The following ERN1 variants were observed in gnomAD, a reference collection of about 807,000 sequenced individuals.
The protein encoded by ERN1 is endoplasmic reticulum to nucleus signaling 1.
In ERN1, 39 loss-of-function variants were observed where a neutral mutation model predicts 113.1. That is an observed-to-expected ratio of 0.34 (90% CI 0.27 to 0.45). The LOEUF is 0.45. Ranked by LOEUF, ERN1 falls within the 20% of genes least tolerant of loss-of-function variation. The pLI, the probability that ERN1 is intolerant of heterozygous loss-of-function variation, is 1.00. For missense variants in ERN1, 976 were observed against 1,274.8 expected (o/e 0.77, Z 3.57); for synonymous variants, 507 against 515.9 (o/e 0.98, Z 0.23).
chr17:64,100,448 A>G (rs1008365848), intron 1 of ERN1, among the ~76,000 whole-genome samples: 1 of 152,190 alleles, frequency 6.6e-6, no homozygotes, highest in African/African-American at 2.4e-5. Context: ...GAGGCCACAC[A>G]AGAAAGTGAG....
In ERN1 at chr17:64,088,462, A is replaced by G. The variant is rs573995217; in HGVS notation, c.176-7654T>C. On this transcript the variant is annotated intron_variant, in intron 2 of 21. Transcript: ENST00000433197. ...AATACCTTTTGAAAGGTATTTAAGGACCCAAAGAGCAGAGATGAAGTCTCA... is the reference window on the plus strand; with the variant it reads ...AATACCTTTTGAAAGGTATTTAAGGGCCCAAAGAGCAGAGATGAAGTCTCA... Among the ~76,000 whole-genome samples the G allele has an allele frequency of 2.0e-5, 3 of 152,266 alleles. No homozygotes were observed. In the East Asian group the frequency reaches 5.8e-4, roughly 29 times the overall value.
intron 11 of ERN1, among the ~76,000 whole-genome samples, chr17:64,058,652 G>A (rs1374460405): frequency 6.6e-6 from 1 of 151,990 alleles, no homozygotes; most frequent in Non-Finnish European, 1.5e-5. Context: ...CACGGAACAG[G>A]CATTTAGAAA....
Position 64,057,856 on chromosome 17 carries a change from G to A in ERN1, c.1344C>T (p.Ile448=), listed in dbSNP as rs1437385309. The change falls in exon 12 of 22, where the codon ATC becomes ATT. Residue 448 remains isoleucine (I), a synonymous_variant. Transcript: ENST00000433197. The stretch of plus-strand genomic sequence containing the variant: ...AGCCAATCAGCAGGAAGGTGCTCAG[G>A]ATGATGGTAGCCATGTCCTTAAGCA... The part of the protein sequence containing the change: ...DSMLKDMATI[I]LSTFLLIGWV... 1.9e-6 allele frequency: 3 copies of A among 1,613,994 alleles called. No homozygotes were observed. The highest frequency in any genetic ancestry group is 2.5e-6 in the Non-Finnish European group (3 of 1,179,884).
chr17:64,049,549 GT>G lies in ERN1; in HGVS notation c.2254-348del, dbSNP rs1912618253. ...TGGCCCATCAAAAGCCCTCCTGGCT[GT>G]TATATATTCCTTACCCCCAACACGA... On this transcript the variant is annotated intron_variant, in intron 17 of 21. Transcript: ENST00000433197. This position sits in a 1 kb window ranked among gnomAD's most constrained non-coding sequence, Gnocchi z 4.7. Among the ~76,000 whole-genome samples the G allele has an allele frequency of 6.6e-6, 1 of 152,188 alleles. No homozygotes were observed. Among genetic ancestry groups the G allele is most frequent in the African/African-American group, 2.4e-5 (1 of 41,444 alleles).
chr17:64,090,673 G>A (rs1490653397), intron 2 of ERN1, among the ~76,000 whole-genome samples: 1 of 152,130 alleles, frequency 6.6e-6, no homozygotes, highest in African/African-American at 2.4e-5. Context: ...CGACCCATCG[G>A]AGCTGAGATC....
In ERN1 at chr17:64,066,829, G is replaced by A; in HGVS notation, c.684C>T (p.Ala228=). ...GACCCTCCCGCTGCCAGACATAAAA[G>A]GCCACCACAGGGGAGGCGTAGTTTT... ...WIQNYASPVV[A]FYVWQREGLR... The change falls in exon 8 of 22, where the codon GCC becomes GCT. Residue 228 remains alanine (A), a synonymous_variant. Coordinates refer to ENST00000433197, the MANE Select transcript of ERN1 (RefSeq NM_001433.5). 6.2e-7 allele frequency: 1 copy of A among 1,613,880 alleles called. No individual in the cohort carries two copies. The highest frequency in any genetic ancestry group is 8.5e-7 in the Non-Finnish European group (1 of 1,179,860).
At chr17:64,095,816 C>T (rs898782585) in intron 2 of ERN1, among the ~76,000 whole-genome samples, 2 of 152,220 alleles carry the variant, frequency 1.3e-5, no homozygotes, top group Non-Finnish European at 1.5e-5. Flanking sequence ...TAAGCTCCTG[C>T]ACCCTAGACC....
chr17:64,104,453 C>CAA (rs35150631), intron 1 of ERN1, among the ~76,000 whole-genome samples: 5 of 143,910 alleles, frequency 3.5e-5, no homozygotes, highest in African/African-American at 1.0e-4. Context: ...TTGCTTTTGC[C>CAA]AAAAAAAAAA....
chr17:64,117,526 C>G (rs1417823228), intron 1 of ERN1, among the ~76,000 whole-genome samples: 7 of 152,194 alleles, frequency 4.6e-5, no homozygotes, highest in Non-Finnish European at 8.8e-5. Context: ...CTCAGTCCCT[C>G]ATATTTGCTC....
intron 1 of ERN1, among the ~76,000 whole-genome samples, chr17:64,113,841 C>T (rs1339754039): frequency 6.6e-6 from 1 of 152,036 alleles, no homozygotes; most frequent in Non-Finnish European, 1.5e-5. Flanking sequence ...CACCACCATG[C>T]CCGGCTAATT....
chr17:64,102,008 G>A (rs1235706958), intron 1 of ERN1, among the ~76,000 whole-genome samples: 3 of 152,104 alleles, frequency 2.0e-5, no homozygotes, highest in South Asian at 2.1e-4. Context: ...GGCCGGGACC[G>A]GTGGCTCATG....
intron 11 of ERN1, among the ~76,000 whole-genome samples, chr17:64,059,531 C>T (rs1035506848): frequency 1.1e-4 from 16 of 152,198 alleles, no homozygotes; most frequent in African/African-American, 3.6e-4. Flanking sequence ...CCTCCTCCAC[C>T]GGCTCTGTGC....
In ERN1 at chr17:64,049,095, C is replaced by T. The variant is rs1912602079; in HGVS notation, c.2361G>A (p.Leu787=). 1.2e-6 allele frequency: 2 copies of T among 1,607,436 alleles called. No individual in the cohort carries two copies. Among genetic ancestry groups the T allele is most frequent in the Non-Finnish European group, 1.7e-6 (2 of 1,174,818 alleles). Residue 787 remains leucine, a synonymous_variant, in exon 18 of 22, where the codon CTG becomes CTA. Transcript: ENST00000433197. The surrounding 1 kb of genome is among the most constrained non-coding windows in gnomAD (Gnocchi z 4.7). ...GCAAGCAGTCAAGGCTGCAGGCACC[C>T]AGGAGGATGTTGGCCTGCCGCTGCA... ...KSLQRQANIL[L]GACSLDCLHP...
At chr17:64,087,719 A>G (rs1305430205) in intron 2 of ERN1, among the ~76,000 whole-genome samples, 1 of 152,150 alleles carries the variant, frequency 6.6e-6, no homozygotes, top group Non-Finnish European at 1.5e-5. Context: ...AAAGCTAAAA[A>G]CAGAAGCTAT....
rs777806993 is a variant in ERN1, at chr17:64,119,376, G to GTTGTTTTTT, written c.54+10599_54+10600insAAAAAACAA. Among the ~76,000 whole-genome samples, 21 of 77,910 alleles carry GTTGTTTTTT rather than the reference G, an allele frequency of 2.7e-4. 1 individual carries two copies. The highest frequency in any genetic ancestry group is 6.7e-4 in the African/African-American group (12 of 17,952). The allele number at this position is 77,910 out of a possible 152,430, so 51.1% of individuals were successfully genotyped here. A position where few individuals can be genotyped will look rare whatever the true frequency, so the allele number is the denominator to read the frequency against. ...TAATATTAGGTTCCTTTTTTTCTAG[G>GTTGTTTTTT]TTTTTTTTTTTTTTTTTTTTTTTTT... On this transcript the variant is annotated intron_variant, in intron 1 of 21. Transcript: ENST00000433197.
Position 64,080,758 on chromosome 17 carries a change from C to T in ERN1, c.209+17G>A, listed in dbSNP as rs762511259. The T allele has an allele frequency of 2.2e-5, 36 of 1,607,348 alleles. No homozygotes were observed. The highest frequency in any genetic ancestry group is 2.9e-5 in the Non-Finnish European group (34 of 1,176,470). On this transcript the variant is annotated intron_variant, in intron 3 of 21. Transcript: ENST00000433197. ...GACTGAATTAAAGGGAAGTACTGAG[C>T]GAATCAGAAAACTTACTCTTCCACA...
chr17:64,098,074 C>T (rs1215649121), intron 2 of ERN1, 47 bp downstream of exon 2: 3 of 1,606,012 alleles, frequency 1.9e-6, no homozygotes, highest in African/African-American at 2.7e-5. Flanking sequence ...TTCTGTGGAA[C>T]CAGTTAAGCA....
chr17:64,073,645 C>T (rs1913499873), intron 5 of ERN1, among the ~76,000 whole-genome samples: 1 of 152,076 alleles, frequency 6.6e-6, no homozygotes, highest in Non-Finnish European at 1.5e-5. Context: ...GCATGTGCTA[C>T]CACGCTTGGC....
At chr17:64,048,808 G>A (rs1912591897) in intron 18 of ERN1, among the ~76,000 whole-genome samples, 1 of 90,362 alleles carries the variant, frequency 1.1e-5, no homozygotes, top group Non-Finnish European at 3.5e-5. Context: ...GCTTTGCCTA[G>A]GTCACACAAG....
Sources: gnomAD v4.1 joint callset for allele counts (sites outside exome capture counted in the v4.1 genomes callset) on GRCh38, gnomAD v4.1.1 for gene constraint, Gnocchi (gnomAD v3.1) non-coding constraint, MANE v1.5 for transcripts, NCBI Gene and HGNC (gene_info 2026-07-23, HGNC 2026-07-21) for gene names.